LEPR: variants seen among roughly 807,000 people sequenced by gnomAD.
LEPR encodes the protein leptin receptor.
In LEPR, 56 loss-of-function variants were observed where a neutral mutation model predicts 114.7. The ratio of observed to expected loss-of-function variants is 0.49; its 90% CI spans 0.39 to 0.61. The LOEUF (loss-of-function observed/expected upper bound fraction) is 0.61. Among genes scored for constraint, LEPR ranks in the 20% least tolerant of loss-of-function variants. The pLI, the probability that LEPR is intolerant of heterozygous loss-of-function variation, is 0.00. For synonymous variants in LEPR, 443 were observed against 461.4 expected, an observed-to-expected ratio of 0.96 and a Z score of 0.51; for missense variants, 1,202 against 1,352.9, an observed-to-expected ratio of 0.89 and a Z score of 1.75.
At chr1:65,509,067 G>A (rs576818597) in intron 2 of LEPR, among the ~76,000 whole-genome samples, 2 of 152,158 alleles carry the variant, frequency 1.3e-5, no homozygotes, top group South Asian at 4.1e-4. Flanking sequence ...GTTAGTTTAT[G>A]AGTTTTATTA....
intron 2 of LEPR, among the ~76,000 whole-genome samples, chr1:65,555,156 C>A (rs867153041): frequency 6.6e-6 from 1 of 152,140 alleles, no homozygotes; most frequent in African/African-American, 2.4e-5. Context: ...TGTTCCTATT[C>A]AGCCATCTTG....
chr1:65,516,986 C>T (rs1385784809), intron 2 of LEPR, among the ~76,000 whole-genome samples: 1 of 152,228 alleles, frequency 6.6e-6, no homozygotes, highest in African/African-American at 2.4e-5. Flanking sequence ...TCATGGTTCT[C>T]TTTACACCAT....
rs746115784 is a variant in LEPR at position 65,617,989 on chromosome 1, T to G, written c.2238T>G (p.Ala746=). 1.2e-6 allele frequency: 2 copies of G among 1,612,746 alleles called. No homozygotes were observed. Among genetic ancestry groups the G allele is most frequent in the East Asian group, 4.5e-5 (2 of 44,764 alleles). Residue 746 remains alanine (A), a synonymous_variant, in exon 16 of 20, where the codon GCT becomes GCG. Transcript: ENST00000349533. ...TAAATATCGTGCAGTCACTCAGTGC[T>G]TATCCTTTAAACAGCAGTTGTGTGA... is the stretch of plus-strand genomic sequence containing the variant. The part of the protein sequence containing the change: ...SKVNIVQSLS[A]YPLNSSCVIV...
At chr1:65,557,073 G>A (rs969088723) in intron 2 of LEPR, among the ~76,000 whole-genome samples, 1 of 152,148 alleles carries the variant, frequency 6.6e-6, no homozygotes, top group African/African-American at 2.4e-5. Context: ...CAGGGTATTG[G>A]TAGTGGAGAG....
At chr1:65,466,952 A>C (rs1368221252) in intron 2 of LEPR, among the ~76,000 whole-genome samples, 3 of 152,054 alleles carry the variant, frequency 2.0e-5, no homozygotes, top group African/African-American at 7.2e-5. Flanking sequence ...CAAGGTTTTT[A>C]GCTTCCTTGG....
At chr1:65,482,281 A>G (rs1647266206) in intron 2 of LEPR, among the ~76,000 whole-genome samples, 1 of 152,198 alleles carries the variant, frequency 6.6e-6, no homozygotes, top group African/African-American at 2.4e-5. Flanking sequence ...GAGATGCTGT[A>G]TCTACTCAAA....
chr1:65,514,781 G>A (rs910858016), intron 2 of LEPR, among the ~76,000 whole-genome samples: 7 of 152,118 alleles, frequency 4.6e-5, no homozygotes, highest in African/African-American at 1.7e-4. Context: ...TTATACAAAT[G>A]GGAAACAGTA....
chr1:65,571,526 C>T (rs1431929167), intron 4 of LEPR, among the ~76,000 whole-genome samples: 1 of 151,676 alleles, frequency 6.6e-6, no homozygotes, highest in Non-Finnish European at 1.5e-5. Flanking sequence ...GTAGAGAGAC[C>T]TCCAGTATGA....
intron 10 of LEPR, among the ~76,000 whole-genome samples, chr1:65,604,407 C>T (rs1422758400): frequency 6.6e-6 from 1 of 151,940 alleles, no homozygotes; most frequent in Non-Finnish European, 1.5e-5. Context: ...TGCAGTGGTA[C>T]CATCTCCGTT....
At chr1:65,456,378 T>TGC (rs1646876620) in intron 2 of LEPR, among the ~76,000 whole-genome samples, 1 of 152,288 alleles carries the variant, frequency 6.6e-6, no homozygotes, top group Admixed American at 6.5e-5. Flanking sequence ...ACTGGTTTTA[T>TGC]GCCTGCTGGA....
At chr1:65,443,726 A>G (rs1646678362) in intron 2 of LEPR, among the ~76,000 whole-genome samples, 1 of 152,130 alleles carries the variant, frequency 6.6e-6, no homozygotes, top group Non-Finnish European at 1.5e-5. Flanking sequence ...AAACCAAAAT[A>G]TGTCACCTCA....
intron 7 of LEPR, among the ~76,000 whole-genome samples, chr1:65,597,175 A>G (rs1656121463): frequency 6.6e-6 from 1 of 151,992 alleles, no homozygotes; most frequent in Non-Finnish European, 1.5e-5. Context: ...TTTGCTTAGT[A>G]ATTTTCTATC....
intron 3 of LEPR, among the ~76,000 whole-genome samples, chr1:65,568,820 A>G (rs534911966): frequency 6.6e-4 from 101 of 152,284 alleles, no homozygotes; most frequent in Middle Eastern, 3.4e-3. Context: ...TTTTCTCTGC[A>G]TCCTCACCAA....
chr1:65,572,336 G>A lies in LEPR; in HGVS notation c.381G>A (p.Trp127Ter). 1 of 898,480 alleles carries A rather than the reference G, an allele frequency of 1.1e-6. No individual in the cohort carries two copies. Among genetic ancestry groups the A allele is most frequent in the Non-Finnish European group, 1.6e-6 (1 of 607,962 alleles). The allele number at this position is 898,480 out of a possible 1,614,324, so 55.7% of individuals were successfully genotyped here. A position where few individuals can be genotyped will look rare whatever the true frequency, so the allele number is the denominator to read the frequency against. Residue 127 changes from tryptophan (W) to a stop codon, truncating the protein, a stop_gained, in exon 5 of 20, where the codon TGG (tryptophan) becomes TGA (stop). Transcript: ENST00000349533. LOFTEE classifies it high-confidence loss of function. ...TTTTTTTAAATTCAGATGCAAACTGGAACATACAGTGCTGGCTAAAAGGAG... is the reference window on the plus strand; with the variant it reads ...TTTTTTTAAATTCAGATGCAAACTGAAACATACAGTGCTGGCTAAAAGGAG... ...SLVFQQIDAN[W>*]NIQCWLKGDL...
chr1:65,566,116 A>G (rs1653734224), intron 3 of LEPR, among the ~76,000 whole-genome samples: 1 of 152,054 alleles, frequency 6.6e-6, no homozygotes, highest in Non-Finnish European at 1.5e-5. Flanking sequence ...TGATTGATAG[A>G]CATTTCTTTT....
At position 65,637,157 on chromosome 1, in the gene LEPR, CTCTT is replaced by C; in HGVS notation, c.*143_*146del. 1.0e-6 allele frequency: 1 copy of C among 992,448 alleles called. No individual in the cohort carries two copies. The highest frequency in any genetic ancestry group is 1.4e-6 in the Non-Finnish European group (1 of 696,080). The allele number at this position is 992,448 out of a possible 1,614,324, so 61.5% of individuals were successfully genotyped here. ...CAAATGAATGTTGTCTGTTTGTTCT[CTCTT>C]AGTAACATAGACAAAAAATTTGAGA... On this transcript the variant is annotated 3_prime_UTR_variant, in exon 20 of 20. Transcript: ENST00000349533.
chr1:65,433,645 T>G, intron 2 of LEPR: 1 of 985,428 alleles, frequency 1.0e-6, no homozygotes, highest in Non-Finnish European at 1.2e-6. Flanking sequence ...GTTCATGATT[T>G]TATGTTTTCA....
In LEPR at chr1:65,570,665, A is replaced by C. The variant is rs1310080000; in HGVS notation, c.233A>C (p.His78Pro). The C allele has an allele frequency of 2.5e-6, 4 of 1,613,956 alleles. No homozygotes were observed. The South Asian group carries it at 4.4e-5, about 18-fold the overall frequency. The change falls in exon 4 of 20, where the codon CAC (histidine) becomes CCC (proline). Residue 78 changes from histidine (H) to proline (P), a missense_variant. Physicochemically the swap from His to Pro is moderately conservative, Grantham distance 77. Transcript: ENST00000349533. ...CCTAAGTTTAATTCAAGTGGTACTC[A>C]CTTTTCTAACTTATCCAAAACAACT... ...VEPKFNSSGT[H>P]FSNLSKTTFH...
chr1:65,544,958 C>A (rs1651556920), intron 2 of LEPR, among the ~76,000 whole-genome samples: 3 of 148,830 alleles, frequency 2.0e-5, no homozygotes, highest in African/African-American at 4.9e-5. Flanking sequence ...CCTCCCCACT[C>A]CCCCCACCCC....
Sources: allele counts gnomAD v4.1 joint callset (sites outside exome capture counted in the v4.1 genomes callset), GRCh38; gene constraint gnomAD v4.1.1; transcripts MANE v1.5; gene names NCBI Gene and HGNC (gene_info 2026-07-23, HGNC 2026-07-21).